LTBP1: variants seen among roughly 807,000 people sequenced by gnomAD.
LTBP1 encodes the protein latent-transforming growth factor beta-binding protein 1.
A neutral mutation model predicts 207.6 loss-of-function variants in LTBP1; 129 were observed. The ratio of observed to expected loss-of-function variants is 0.62; its 90% CI spans 0.54 to 0.72. The LOEUF is 0.72. Ranked by LOEUF, LTBP1 falls within the 30% of genes least tolerant of loss-of-function variation. The pLI is 0.00. For synonymous variants in LTBP1, 963 were observed against 833.7 expected (o/e 1.16, Z -2.67); for missense variants, 2,281 against 2,217.2 (o/e 1.03, Z -0.58).
rs151191159 is a variant in LTBP1, at chr2:33,039,324, A to G, written c.863+18118A>G. On this transcript the variant is annotated intron_variant, in intron 3 of 33. Coordinates refer to ENST00000404816, the MANE Select transcript of LTBP1 (RefSeq NM_206943.4). ...GAAAAAAAAAACACCAAAACCCATA[A>G]TTGTTCTTTCGGAGAGAGAAACCCC... is the stretch of plus-strand genomic sequence containing the variant. Among the ~76,000 whole-genome samples, 24 of 152,130 alleles carry G rather than the reference A, an allele frequency of 1.6e-4. No homozygotes were observed. In the East Asian group the frequency reaches 4.1e-3, roughly 26 times the overall value.
At chr2:33,137,729 G>T (rs773477564) in intron 5 of LTBP1, among the ~76,000 whole-genome samples, 12 of 151,670 alleles carry the variant, frequency 7.9e-5, no homozygotes, top group Admixed American at 6.6e-5. Flanking sequence ...TTTGTTTGAG[G>T]ATGTGGAACA....
chr2:33,045,231 G>T (rs1440642710), intron 3 of LTBP1, among the ~76,000 whole-genome samples: 4 of 152,066 alleles, frequency 2.6e-5, no homozygotes, highest in Non-Finnish European at 5.9e-5. Flanking sequence ...TTCTTCTAGG[G>T]TTTTTATGGT....
chr2:33,018,372 G>C (rs1688681074), intron 2 of LTBP1, among the ~76,000 whole-genome samples: 1 of 152,050 alleles, frequency 6.6e-6, no homozygotes, highest in South Asian at 2.1e-4. Context: ...CACATTTGCA[G>C]TGTACCTTGG....
chr2:33,066,565 A>T (rs745694382), intron 3 of LTBP1, among the ~76,000 whole-genome samples: 1 of 152,182 alleles, frequency 6.6e-6, no homozygotes, highest in Admixed American at 6.5e-5. Context: ...TTGTTATTAA[A>T]TTAGATGGCA....
intron 33 of LTBP1, 102 bp downstream of exon 33, chr2:33,397,384 A>G: frequency 7.5e-7 from 1 of 1,325,742 alleles, no homozygotes; most frequent in Non-Finnish European, 1.1e-6. Flanking sequence ...TTTCAGTTTG[A>G]GAAGATGAGA....
chr2:33,309,310 T>G, intron 22 of LTBP1, 124 bp from the exon 23 acceptor site: 1 of 606,980 alleles, frequency 1.6e-6, no homozygotes, highest in Non-Finnish European at 2.6e-6. Context: ...TAAAAAGTTG[T>G]CATGTATTTA....
intron 5 of LTBP1, among the ~76,000 whole-genome samples, chr2:33,135,969 G>C (rs141410689): frequency 2.6e-4 from 40 of 152,236 alleles, no homozygotes; most frequent in Middle Eastern, 3.4e-3. Context: ...TGTGTGTCTG[G>C]GGGGGTGGTA....
At chr2:33,357,077 T>C (rs890331755) in intron 26 of LTBP1, among the ~76,000 whole-genome samples, 3 of 152,228 alleles carry the variant, frequency 2.0e-5, no homozygotes, top group Non-Finnish European at 2.9e-5. Context: ...AAAAAGCTCA[T>C]GTCCACTTTG....
At chr2:33,115,127 T>C (rs998745319) in intron 4 of LTBP1, among the ~76,000 whole-genome samples, 4 of 150,810 alleles carry the variant, frequency 2.7e-5, no homozygotes, top group African/African-American at 4.9e-5. Context: ...CACATATATA[T>C]ACACACACAC....
At chr2:33,200,629 A>T (rs1241868381) in intron 7 of LTBP1, among the ~76,000 whole-genome samples, 6 of 152,338 alleles carry the variant, frequency 3.9e-5, no homozygotes, top group African/African-American at 1.4e-4. Flanking sequence ...GACAAATGGG[A>T]TCTAATTAAA....
intron 33 of LTBP1, 58 bp downstream of exon 33, chr2:33,397,340 G>A: frequency 6.3e-7 from 1 of 1,582,558 alleles, no homozygotes; most frequent in Non-Finnish European, 8.7e-7. Context: ...CCGTATCTCA[G>A]TCAGTAGAGA....
intron 7 of LTBP1, among the ~76,000 whole-genome samples, chr2:33,191,073 G>C (rs1465417544): frequency 1.3e-5 from 2 of 152,162 alleles, no homozygotes; most frequent in African/African-American, 4.8e-5. Context: ...ATTCATTCCA[G>C]CTTAGGTTGG....
At chr2:33,049,527 C>G (rs1036705078) in intron 3 of LTBP1, among the ~76,000 whole-genome samples, 3 of 151,860 alleles carry the variant, frequency 2.0e-5, no homozygotes, top group Non-Finnish European at 4.4e-5. Context: ...AAGTGTTAAA[C>G]CAAGATTAAA....
chr2:33,263,846 G>C (rs994241981), intron 15 of LTBP1, among the ~76,000 whole-genome samples: 2 of 151,720 alleles, frequency 1.3e-5, no homozygotes, highest in African/African-American at 4.8e-5. Context: ...CCAGCTACTT[G>C]GGAGGCTGAG....
intron 5 of LTBP1, among the ~76,000 whole-genome samples, chr2:33,144,710 A>C (rs1444067585): frequency 6.6e-6 from 1 of 152,246 alleles, no homozygotes; most frequent in Non-Finnish European, 1.5e-5. Flanking sequence ...TATGCGATGC[A>C]GTATATATAC....
chr2:33,309,116 C>T (rs2094142687), intron 22 of LTBP1, among the ~76,000 whole-genome samples: 1 of 151,920 alleles, frequency 6.6e-6, no homozygotes, highest in Non-Finnish European at 1.5e-5. Context: ...AACCCCATCT[C>T]TACTAAAAAT....
chr2:33,057,932 C>T (rs549888383), intron 3 of LTBP1, among the ~76,000 whole-genome samples: 11 of 152,368 alleles, frequency 7.2e-5, no homozygotes, highest in South Asian at 2.1e-4. Context: ...GCGCCAAGGC[C>T]GAGGAGACGC....
At chr2:33,013,538 A>G (rs1687953169) in intron 2 of LTBP1, among the ~76,000 whole-genome samples, 1 of 151,982 alleles carries the variant, frequency 6.6e-6, no homozygotes, top group Admixed American at 6.6e-5. Context: ...ATATACACTA[A>G]ACTGTAGATA....
At chr2:33,290,636 G>C (rs375928012) in intron 19 of LTBP1, among the ~76,000 whole-genome samples, 1 of 152,224 alleles carries the variant, frequency 6.6e-6, no homozygotes, top group Non-Finnish European at 1.5e-5. Context: ...TGATTTGAGA[G>C]ATATTTGAAG....
Sources: gnomAD v4.1 joint callset for allele counts (sites outside exome capture counted in the v4.1 genomes callset) on GRCh38, gnomAD v4.1.1 for gene constraint, MANE v1.5 for transcripts, NCBI Gene and HGNC (gene_info 2026-07-23, HGNC 2026-07-21) for gene names.